Variants in CNTNAP2 observed in about 807,000 individuals in gnomAD.
CNTNAP2 encodes contactin-associated protein-like 2.
Under a neutral mutation model 155.2 loss-of-function variants are expected in CNTNAP2, and 98 were observed. The ratio of observed to expected loss-of-function variants is 0.63; its 90% CI spans 0.54 to 0.75. The LOEUF is 0.75. CNTNAP2 is among the 30% of genes least tolerant of loss of function. The pLI is 0.00. For missense variants in CNTNAP2, 1,727 were observed against 1,688.1 expected, an observed-to-expected ratio of 1.02 and a Z score of -0.40; for synonymous variants, 651 against 631.2, an observed-to-expected ratio of 1.03 and a Z score of -0.47.
intron 1 of CNTNAP2, among the ~76,000 whole-genome samples, chr7:146,646,932 T>C (rs1408183522): frequency 6.6e-6 from 1 of 152,130 alleles, no homozygotes; most frequent in Non-Finnish European, 1.5e-5. Context: ...GGACAAATTA[T>C]AAAGAAAATC....
intron 10 of CNTNAP2, among the ~76,000 whole-genome samples, chr7:147,440,557 T>A (rs1797620377): frequency 1.3e-5 from 2 of 152,130 alleles, no homozygotes; most frequent in Non-Finnish European, 2.9e-5. Flanking sequence ...TACTAGTGAG[T>A]TTTGTACCTC....
At chr7:147,368,240 G>A (rs1195454065) in intron 9 of CNTNAP2, among the ~76,000 whole-genome samples, 1 of 151,822 alleles carries the variant, frequency 6.6e-6, no homozygotes, top group Non-Finnish European at 1.5e-5. Context: ...AGAAGCCTGG[G>A]CAGGGAAGTC....
At chr7:146,856,733 T>C (rs1248222681) in intron 3 of CNTNAP2, among the ~76,000 whole-genome samples, 1 of 152,160 alleles carries the variant, frequency 6.6e-6, no homozygotes, top group Non-Finnish European at 1.5e-5. Context: ...ACCGTGCATG[T>C]AGTGTCCCAT....
intron 10 of CNTNAP2, among the ~76,000 whole-genome samples, chr7:147,482,653 A>G (rs7795712): frequency 0.62 from 94,141 of 151,310 alleles, 29,574 homozygotes; most frequent in African/African-American, 0.7. Context: ...CCCAGGAGGC[A>G]GAGCTTGCAG....
At chr7:147,222,713 A>G (rs1197784840) in intron 8 of CNTNAP2, among the ~76,000 whole-genome samples, 1 of 151,240 alleles carries the variant, frequency 6.6e-6, no homozygotes, top group African/African-American at 2.4e-5. Flanking sequence ...GTGGTAAGGT[A>G]TATGGGGAGG....
At chr7:146,479,002 A>G (rs1796920959) in intron 1 of CNTNAP2, among the ~76,000 whole-genome samples, 1 of 152,076 alleles carries the variant, frequency 6.6e-6, no homozygotes, top group South Asian at 2.1e-4. Context: ...AAAATTGCTT[A>G]TTTAGTATTG....
chr7:147,931,736 A>G (rs1335765329), intron 14 of CNTNAP2, among the ~76,000 whole-genome samples: 1 of 152,228 alleles, frequency 6.6e-6, no homozygotes, highest in Non-Finnish European at 1.5e-5. Context: ...AAAAAAATTA[A>G]AGATGAAAAT....
At chr7:146,397,316 A>G (rs1278650968) in intron 1 of CNTNAP2, among the ~76,000 whole-genome samples, 1 of 152,212 alleles carries the variant, frequency 6.6e-6, no homozygotes, top group Non-Finnish European at 1.5e-5. Context: ...CATTTACCAC[A>G]TTTGCTCATG....
chr7:148,415,405 T>G lies in CNTNAP2; in HGVS notation c.3797-12T>G, dbSNP rs757116929. 1 of 1,612,750 alleles carries G rather than the reference T, an allele frequency of 6.2e-7. No individual in the cohort carries two copies. The highest frequency in any genetic ancestry group is 8.5e-7 in the Non-Finnish European group (1 of 1,180,032). On this transcript the variant is annotated splice_polypyrimidine_tract_variant and intron_variant, in intron 23 of 23. Coordinates refer to ENST00000361727, the MANE Select transcript of CNTNAP2 (RefSeq NM_014141.6). ...CCTGTCTAACCTCTCGTGCTTCTCC[T>G]TTCTCCGTCAGGCGTCATTGCTGTG...
chr7:147,335,225 C>T (rs1795644982), intron 9 of CNTNAP2, among the ~76,000 whole-genome samples: 2 of 152,140 alleles, frequency 1.3e-5, no homozygotes, highest in Middle Eastern at 3.2e-3. Flanking sequence ...AGCAAGGACT[C>T]ATGCTGAGTT....
At chr7:146,450,100 A>AAAGCTTTTCTTTTCCAAGGAGATAAAAC (rs1336324077) in intron 1 of CNTNAP2, among the ~76,000 whole-genome samples, 1 of 152,158 alleles carries the variant, frequency 6.6e-6, no homozygotes, top group East Asian at 1.9e-4. Context: ...CCTTTTCTAA[A>AAAGCTTTTCTTTTCCAAGGAGATAAAAC]AAGCTTTTCT....
chr7:146,804,415 G>A (rs75108351), intron 2 of CNTNAP2, among the ~76,000 whole-genome samples: 3 of 152,100 alleles, frequency 2.0e-5, no homozygotes, highest in Non-Finnish European at 4.4e-5. Context: ...CTCTGTGGTT[G>A]GTTTTGGGAG....
chr7:147,780,882 T>G (rs1254808799), intron 13 of CNTNAP2, among the ~76,000 whole-genome samples: 1 of 152,194 alleles, frequency 6.6e-6, no homozygotes, highest in African/African-American at 2.4e-5. Flanking sequence ...AGAATACCAT[T>G]TGCATGTATA....
intron 18 of CNTNAP2, among the ~76,000 whole-genome samples, chr7:148,196,748 C>G (rs1313881678): frequency 6.6e-6 from 1 of 152,188 alleles, no homozygotes; most frequent in Non-Finnish European, 1.5e-5. Context: ...CACCTGTGCC[C>G]TTAACCACTG....
chr7:146,682,344 T>G (rs1302250188), intron 1 of CNTNAP2, among the ~76,000 whole-genome samples: 1 of 152,190 alleles, frequency 6.6e-6, no homozygotes, highest in African/African-American at 2.4e-5. Context: ...AAGGTTATAT[T>G]ACATTAATCT....
intron 4 of CNTNAP2, among the ~76,000 whole-genome samples, chr7:147,087,862 A>C (rs1800313483): frequency 6.6e-6 from 1 of 152,188 alleles, no homozygotes; most frequent in Non-Finnish European, 1.5e-5. Context: ...CTGTAGTCCC[A>C]GCTACTTGGG....
At chr7:147,183,439 C>G (rs1427577164) in intron 8 of CNTNAP2, among the ~76,000 whole-genome samples, 1 of 152,110 alleles carries the variant, frequency 6.6e-6, no homozygotes, top group Non-Finnish European at 1.5e-5. Flanking sequence ...TTGGAGGAGT[C>G]CTTTACACCA....
chr7:147,041,940 G>T (rs1524342), intron 3 of CNTNAP2, among the ~76,000 whole-genome samples: 55,746 of 151,994 alleles, frequency 0.37, 10,409 homozygotes, highest in South Asian at 0.43. Context: ...TTTGAAGCCA[G>T]AGAACCCAAT....
At chr7:148,200,907 C>T (rs561102284) in intron 18 of CNTNAP2, among the ~76,000 whole-genome samples, 3 of 152,230 alleles carry the variant, frequency 2.0e-5, no homozygotes, top group South Asian at 4.2e-4. Flanking sequence ...ATAACATAGT[C>T]CTTAATGCTC....
Sources: gnomAD v4.1 joint callset for allele counts (sites outside exome capture counted in the v4.1 genomes callset) on GRCh38, gnomAD v4.1.1 for gene constraint, MANE v1.5 for transcripts, NCBI Gene and HGNC (gene_info 2026-07-23, HGNC 2026-07-21) for gene names.